Variants in RBFOX1 observed in about 807,000 individuals in gnomAD.
RBFOX1 encodes the protein RNA binding fox-1 homolog 1.
Under a neutral mutation model 57.7 loss-of-function variants are expected in RBFOX1, and 8 were observed. The ratio of observed to expected loss-of-function variants is 0.14; its 90% CI spans 0.08 to 0.25. RBFOX1 has a LOEUF of 0.25. Ranked by LOEUF, RBFOX1 falls within the 10% of genes least tolerant of loss-of-function variation. RBFOX1 has a pLI of 1.00. For synonymous variants in RBFOX1, 326 were observed against 222.4 expected (o/e 1.47, Z -4.15); for missense variants, 611 against 548.5 (o/e 1.11, Z -1.14).
chr16:7,167,753 A>T (rs2079861906), intron 4 of RBFOX1, among the ~76,000 whole-genome samples: 1 of 152,208 alleles, frequency 6.6e-6, no homozygotes, highest in African/African-American at 2.4e-5. Context: ...ACACAGCCTT[A>T]TTCATTTACG....
chr16:5,870,621 CT>C lies in RBFOX1; in HGVS notation c.351+3296del, dbSNP rs566925569. On this transcript the variant is annotated intron_variant, in intron 4 of 19. Coordinates refer to the RBFOX1 transcript ENST00000641259. ...CCCAGATGGAACAGTTTTTTTTAGT[CT>C]TTTTTTTTTCCTTACCATTTTTCCT... 6.7e-3 allele frequency among the ~76,000 whole-genome samples: 992 copies of C among 148,110 alleles called. 9 individuals carry two copies. The highest frequency in any genetic ancestry group is 0.021 in the African/African-American group (842 of 40,414).
intron 4 of RBFOX1, among the ~76,000 whole-genome samples, chr16:7,367,378 GC>G (rs2097475160): frequency 6.6e-6 from 1 of 152,156 alleles, no homozygotes; most frequent in Non-Finnish European, 1.5e-5. Flanking sequence ...TGTCATTTTG[GC>G]TAGTCTTCCT....
rs544967209 is a variant in RBFOX1, at chr16:7,653,910, G to A, written c.853G>A (p.Ala285Thr). The A allele has an allele frequency of 3.8e-6, 6 of 1,577,896 alleles. No individual in the cohort carries two copies. In the African/African-American group the frequency reaches 8.1e-5, roughly 21 times the overall value. ...RGRTVYNTFR[A>T]AAPPPPIPAY... ...TCGCACCGTGTACAACACCTTCAGG[G>A]CCGCGGCGCCCCCGCCCCCGATCCC... The change falls in exon 12 of 16, where the codon GCC (alanine) becomes ACC (threonine). Residue 285 changes from alanine to threonine, a missense_variant. Ala to Thr is a moderately conservative substitution (Grantham distance 58). Transcript: ENST00000550418.
chr16:5,821,069 G>T (rs1186540920), intron 3 of RBFOX1, among the ~76,000 whole-genome samples: 1 of 151,968 alleles, frequency 6.6e-6, no homozygotes, highest in African/African-American at 2.4e-5. Context: ...CTGCCCTGAG[G>T]TGCTCCTACC....
chr16:6,571,820 T>G (rs1302431055), intron 2 of RBFOX1, among the ~76,000 whole-genome samples: 1 of 152,190 alleles, frequency 6.6e-6, no homozygotes, highest in East Asian at 1.9e-4. Context: ...AAAAAGCATA[T>G]GTAAAAATAT....
At chr16:7,128,639 T>A (rs1197910034) in intron 4 of RBFOX1, among the ~76,000 whole-genome samples, 1 of 152,132 alleles carries the variant, frequency 6.6e-6, no homozygotes, top group Non-Finnish European at 1.5e-5. Flanking sequence ...TTCTCATTTC[T>A]ACCCTATTGT....
chr16:7,036,462 A>G (rs113859546), intron 3 of RBFOX1, among the ~76,000 whole-genome samples: 5,447 of 152,032 alleles, frequency 0.036, 340 homozygotes, highest in African/African-American at 0.12. Context: ...TGTAATCTCA[A>G]TACTTTGGGA....
intron 1 of RBFOX1, among the ~76,000 whole-genome samples, chr16:6,146,302 A>T (rs762731077): frequency 1.3e-5 from 2 of 152,126 alleles, no homozygotes; most frequent in Non-Finnish European, 2.9e-5. Flanking sequence ...AGAAAATATT[A>T]TTTGAGTCTT....
intron 2 of RBFOX1, among the ~76,000 whole-genome samples, chr16:6,583,170 G>T (rs961913560): frequency 1.3e-5 from 2 of 152,128 alleles, no homozygotes; most frequent in African/African-American, 4.8e-5. Flanking sequence ...TCATTTCTTG[G>T]TTGCTTCAGC....
At chr16:5,640,672 A>G (rs954556226) in intron 3 of RBFOX1, among the ~76,000 whole-genome samples, 1 of 151,898 alleles carries the variant, frequency 6.6e-6, no homozygotes, top group African/African-American at 2.4e-5. Flanking sequence ...ACATACATGC[A>G]TACACACAAG....
chr16:6,449,259 G>A (rs1210109187), intron 2 of RBFOX1, among the ~76,000 whole-genome samples: 2 of 152,144 alleles, frequency 1.3e-5, no homozygotes, highest in African/African-American at 4.8e-5. Flanking sequence ...TTCTGTCATC[G>A]ACTCATTCCG....
At chr16:6,661,272 C>G (rs893040469) in intron 3 of RBFOX1, among the ~76,000 whole-genome samples, 1 of 152,198 alleles carries the variant, frequency 6.6e-6, no homozygotes, top group African/African-American at 2.4e-5. Context: ...TTAGAAAGAG[C>G]TCCCATGTGC....
intron 11 of RBFOX1, among the ~76,000 whole-genome samples, chr16:7,635,093 C>G (rs1042160295): frequency 1.3e-5 from 2 of 152,118 alleles, no homozygotes; most frequent in African/African-American, 4.8e-5. Context: ...TTATTGCCAG[C>G]GCTGTTTTGC....
intron 3 of RBFOX1, among the ~76,000 whole-genome samples, chr16:5,755,757 C>T (rs889516315): frequency 6.6e-6 from 1 of 152,090 alleles, no homozygotes; most frequent in Non-Finnish European, 1.5e-5. Context: ...CATCTCCATG[C>T]GCAGCTAATT....
intron 1 of RBFOX1, among the ~76,000 whole-genome samples, chr16:6,055,954 T>C (rs1437495884): frequency 1.3e-5 from 2 of 152,174 alleles, no homozygotes; most frequent in Non-Finnish European, 2.9e-5. Context: ...TTTCCTAATA[T>C]ATGAAATATC....
At chr16:6,330,401 A>G (rs2082873279) in intron 2 of RBFOX1, among the ~76,000 whole-genome samples, 1 of 152,146 alleles carries the variant, frequency 6.6e-6, no homozygotes, top group Non-Finnish European at 1.5e-5. Flanking sequence ...ACTGAGCTCA[A>G]AGTCACTGAT....
intron 3 of RBFOX1, among the ~76,000 whole-genome samples, chr16:5,834,740 TACATACA>T (rs2056401175): frequency 6.7e-6 from 1 of 148,712 alleles, no homozygotes; most frequent in East Asian, 2.0e-4. Flanking sequence ...GATACATACA[TACATACA>T]TACATACATA....
chr16:5,763,012 C>G (rs996096499), intron 3 of RBFOX1, among the ~76,000 whole-genome samples: 1 of 152,166 alleles, frequency 6.6e-6, no homozygotes, highest in Middle Eastern at 3.4e-3. Context: ...ATATTATGAG[C>G]ATGTACTGTT....
chr16:6,700,977 G>A lies in RBFOX1; in HGVS notation c.-16+46327G>A, dbSNP rs147379122. Among the ~76,000 whole-genome samples, 215 of 152,222 alleles carry A rather than the reference G, an allele frequency of 1.4e-3. 1 individual carries two copies. Among genetic ancestry groups the A allele is most frequent in the African/African-American group, 4.8e-3 (199 of 41,532 alleles). On this transcript the variant is annotated intron_variant, in intron 3 of 15. Transcript: ENST00000550418. ...TAATCAGAAGGCATTGGGGGTACCAGATGCTTATGAGGGATCCATACCAGT... is the reference window on the plus strand; with the variant it reads ...TAATCAGAAGGCATTGGGGGTACCAAATGCTTATGAGGGATCCATACCAGT...
Sources: gnomAD v4.1 joint callset for allele counts (sites outside exome capture counted in the v4.1 genomes callset) on GRCh38, gnomAD v4.1.1 for gene constraint, MANE v1.5 for transcripts, NCBI Gene and HGNC (gene_info 2026-07-23, HGNC 2026-07-21) for gene names.